AGBL1: variants seen among roughly 807,000 people sequenced by gnomAD.
AGBL1 encodes the protein cytosolic carboxypeptidase 4.
AGBL1 carries 130 observed loss-of-function variants against 118.9 expected under a neutral mutation model. The ratio of observed to expected loss-of-function variants is 1.09; its 90% CI spans 0.95 to 1.26. The LOEUF (loss-of-function observed/expected upper bound fraction) is 1.26. Among genes scored for constraint, AGBL1 ranks in the 50% most tolerant of loss-of-function variants. AGBL1 has a pLI of 0.00. For synonymous variants in AGBL1, 555 were observed against 478.9 expected (o/e 1.16, Z -2.08); for missense variants, 1,584 against 1,298.1 (o/e 1.22, Z -3.38).
chr15:86,576,076 ATAAT>A (rs1567066423), intron 21 of AGBL1, among the ~76,000 whole-genome samples: 2 of 152,242 alleles, frequency 1.3e-5, no homozygotes, highest in East Asian at 3.8e-4. Flanking sequence ...AAGGAAGAAG[ATAAT>A]TAATATTTAC....
chr15:86,747,821 T>C (rs963814880), intron 22 of AGBL1, among the ~76,000 whole-genome samples: 18 of 152,354 alleles, frequency 1.2e-4, no homozygotes, highest in Non-Finnish European at 2.4e-4. Context: ...TCATTTTTTA[T>C]GGCTGCATAC....
chr15:86,370,937 G>GA (rs1278401788), intron 17 of AGBL1, among the ~76,000 whole-genome samples: 2 of 152,196 alleles, frequency 1.3e-5, no homozygotes, highest in East Asian at 3.9e-4. Context: ...TGAAGCATGT[G>GA]AAGGCTCTTG....
intron 16 of AGBL1, among the ~76,000 whole-genome samples, chr15:86,290,828 C>T (rs1006207644): frequency 6.6e-6 from 1 of 151,880 alleles, no homozygotes; most frequent in African/African-American, 2.4e-5. Flanking sequence ...CTCCTAATGC[C>T]ATCCCTCCCC....
intron 22 of AGBL1, among the ~76,000 whole-genome samples, chr15:86,708,237 C>T (rs2086488652): frequency 6.6e-6 from 1 of 151,974 alleles, no homozygotes; most frequent in Non-Finnish European, 1.5e-5. Flanking sequence ...GAGATAGGGT[C>T]TTAAGGGAAG....
At chr15:86,830,718 C>T (rs533068164) in intron 22 of AGBL1, among the ~76,000 whole-genome samples, 43 of 152,238 alleles carry the variant, frequency 2.8e-4, no homozygotes, top group East Asian at 3.9e-4. Flanking sequence ...TTATTCTGAA[C>T]GTCTTTTATC....
At chr15:86,713,786 A>T (rs1472010374) in intron 22 of AGBL1, among the ~76,000 whole-genome samples, 2 of 150,344 alleles carry the variant, frequency 1.3e-5, no homozygotes, top group East Asian at 3.9e-4. Context: ...TAGAGAGTGT[A>T]TTTTTTTTTT....
intron 23 of AGBL1, among the ~76,000 whole-genome samples, chr15:86,962,844 C>T (rs922735566): frequency 4.6e-5 from 7 of 152,168 alleles, no homozygotes; most frequent in Non-Finnish European, 1.0e-4. Context: ...TTATCTGCAA[C>T]ATCCCCAGCT....
chr15:86,478,034 C>T (rs2082588780), intron 18 of AGBL1, among the ~76,000 whole-genome samples: 1 of 152,278 alleles, frequency 6.6e-6, no homozygotes, highest in African/African-American at 2.4e-5. Flanking sequence ...TTCAACAGCC[C>T]TTCATGCTAA....
chr15:86,862,490 C>T (rs372153629), intron 22 of AGBL1, among the ~76,000 whole-genome samples: 10 of 152,252 alleles, frequency 6.6e-5, no homozygotes, highest in Admixed American at 2.0e-4. Context: ...GAGGCCGAGG[C>T]GGGCGGATCG....
intron 23 of AGBL1, among the ~76,000 whole-genome samples, chr15:86,928,250 G>A (rs539120441): frequency 6.6e-6 from 1 of 152,150 alleles, no homozygotes; most frequent in East Asian, 1.9e-4. Context: ...CTGTGATGCA[G>A]AGCAAAGAGA....
intron 22 of AGBL1, among the ~76,000 whole-genome samples, chr15:86,732,540 G>A (rs1047212946): frequency 6.6e-6 from 1 of 152,098 alleles, no homozygotes; most frequent in African/African-American, 2.4e-5. Context: ...TAAGAACCAC[G>A]ATTGATTTGA....
intron 5 of AGBL1, among the ~76,000 whole-genome samples, chr15:86,200,647 G>T (rs183455196): frequency 7.2e-6 from 1 of 138,890 alleles, no homozygotes; most frequent in Non-Finnish European, 1.5e-5. Context: ...ATGGAGTCTC[G>T]CTCTTGTCAC....
At chr15:86,882,162 C>T (rs993124658) in intron 22 of AGBL1, among the ~76,000 whole-genome samples, 5 of 152,148 alleles carry the variant, frequency 3.3e-5, no homozygotes, top group Non-Finnish European at 5.9e-5. Flanking sequence ...ACCTAGTTCT[C>T]GAGTCTGTGT....
At chr15:86,405,684 A>G (rs180682977) in intron 18 of AGBL1, among the ~76,000 whole-genome samples, 1 of 152,346 alleles carries the variant, frequency 6.6e-6, no homozygotes, top group Non-Finnish European at 1.5e-5. Flanking sequence ...TTAAGAAAAT[A>G]AAATAGATTT....
At chr15:86,935,430 C>A (rs2080658183) in intron 23 of AGBL1, among the ~76,000 whole-genome samples, 1 of 152,170 alleles carries the variant, frequency 6.6e-6, no homozygotes, top group Non-Finnish European at 1.5e-5. Context: ...AAGGTAAGAA[C>A]AAATTCTAGG....
rs2080396055 is a variant in AGBL1, at chr15:86,914,601, T to A, written c.*7307T>A. The stretch of plus-strand genomic sequence containing the variant: ...TAGTCTAAGACCATCGCAGGTGTCA[T>A]CATGTTTAAGCCTAAAACTTCAGCC... On this transcript the variant is annotated 3_prime_UTR_variant, in exon 23 of 23. Coordinates refer to ENST00000614907, the MANE Select transcript of AGBL1 (RefSeq NM_001386094.1). The A allele has an allele frequency of 2.0e-5, 3 of 152,134 alleles. No homozygotes were observed. The highest frequency in any genetic ancestry group is 2.0e-4 in the Admixed American group (3 of 15,280). The allele number at this position is 152,134 out of a possible 1,614,324, so 9.4% of individuals were successfully genotyped here. A position where few individuals can be genotyped will look rare whatever the true frequency, so the allele number is the denominator to read the frequency against.
At chr15:86,253,719 T>G (rs1686730437) in intron 7 of AGBL1, among the ~76,000 whole-genome samples, 1 of 152,214 alleles carries the variant, frequency 6.6e-6, no homozygotes, top group Non-Finnish European at 1.5e-5. Flanking sequence ...ATTTTTTTAT[T>G]TTTGAAAAAT....
intron 17 of AGBL1, among the ~76,000 whole-genome samples, chr15:86,370,301 C>CTTTTTTTT (rs5814238): frequency 3.1e-5 from 4 of 131,034 alleles, no homozygotes; most frequent in South Asian, 2.5e-4. Flanking sequence ...GTCTCTATTC[C>CTTTTTTTT]TTTTTTTTTT....
intron 17 of AGBL1, among the ~76,000 whole-genome samples, chr15:86,358,987 T>C (rs1357296220): frequency 6.6e-6 from 1 of 151,976 alleles, no homozygotes; most frequent in East Asian, 1.9e-4. Context: ...GCTTACTCCA[T>C]TGATTGTTTT....
Sources: gnomAD v4.1 joint callset for allele counts (sites outside exome capture counted in the v4.1 genomes callset) on GRCh38, gnomAD v4.1.1 for gene constraint, MANE v1.5 for transcripts, NCBI Gene and HGNC (gene_info 2026-07-23, HGNC 2026-07-21) for gene names.